UBN2: variants seen among roughly 807,000 people sequenced by gnomAD.
UBN2 encodes the protein ubinuclein 2.
In UBN2, 35 loss-of-function variants were observed where a neutral mutation model predicts 120.2. That is an observed-to-expected ratio of 0.29 (90% CI 0.22 to 0.39). The LOEUF is 0.39. Among genes scored for constraint, UBN2 ranks in the 10% least tolerant of loss-of-function variants. The pLI, the probability that UBN2 is intolerant of heterozygous loss-of-function variation, is 1.00. For missense variants in UBN2, 1,693 were observed against 1,663.2 expected, an observed-to-expected ratio of 1.02 and a Z score of -0.31; for synonymous variants, 661 against 648.7, an observed-to-expected ratio of 1.02 and a Z score of -0.29.
At chr7:139,316,580 C>T in the UBN2 span, among the ~76,000 whole-genome samples, 1 of 152,110 alleles carries the variant, frequency 6.6e-6, no homozygotes, top group African/African-American at 2.4e-5. Flanking sequence ...CCTGTCTCTA[C>T]TACAAATACA....
chr7:139,289,605 T>A (rs1208787627), intron 15 of UBN2, among the ~76,000 whole-genome samples: 2 of 151,912 alleles, frequency 1.3e-5, no homozygotes, highest in African/African-American at 2.4e-5. Flanking sequence ...AGAGACGGTG[T>A]TTCACCATGT....
chr7:139,330,382 T>C, the UBN2 span, among the ~76,000 whole-genome samples: 2 of 152,266 alleles, frequency 1.3e-5, no homozygotes, highest in African/African-American at 4.8e-5. Context: ...CCAGATCTTG[T>C]AGAACTGAAA....
At chr7:139,324,549 C>A in the UBN2 span, among the ~76,000 whole-genome samples, 1 of 109,246 alleles carries the variant, frequency 9.2e-6, no homozygotes. Flanking sequence ...GAGGGAGACT[C>A]CATCTCAAAA....
At chr7:139,280,834 C>T (rs781703308) in intron 13 of UBN2, among the ~76,000 whole-genome samples, 1 of 152,104 alleles carries the variant, frequency 6.6e-6, no homozygotes, top group Non-Finnish European at 1.5e-5. Flanking sequence ...TTAGCAGAGA[C>T]GGGGTTTCAC....
At chr7:139,325,774 C>T in the UBN2 span, among the ~76,000 whole-genome samples, 7 of 152,216 alleles carry the variant, frequency 4.6e-5, no homozygotes. Context: ...TCTGTCCCCA[C>T]AGTTTCGCTG....
At chr7:139,233,083 C>T (rs1796072123) in intron 1 of UBN2, among the ~76,000 whole-genome samples, 1 of 152,214 alleles carries the variant, frequency 6.6e-6, no homozygotes, top group African/African-American at 2.4e-5. Flanking sequence ...AAATGACTGA[C>T]TGCTTAGTCA....
rs191309620 is a variant in UBN2, at chr7:139,281,223, C to T, written c.2068-782C>T. Among the ~76,000 whole-genome samples, 1,170 of 152,020 alleles carry T rather than the reference C, an allele frequency of 7.7e-3. 7 individuals carry two copies. The highest frequency in any genetic ancestry group is 0.031 in the Middle Eastern group (9 of 292). ...GAGTCATCAGTTTTTTTGTATGTTT[C>T]CTTCTCTATGATTAAATTACTTTTT... On this transcript the variant is annotated intron_variant, in intron 13 of 17. Coordinates refer to ENST00000473989, the MANE Select transcript of UBN2 (RefSeq NM_173569.4).
At chr7:139,254,275 A>T (rs1796700301) in intron 3 of UBN2, among the ~76,000 whole-genome samples, 1 of 152,130 alleles carries the variant, frequency 6.6e-6, no homozygotes, top group Non-Finnish European at 1.5e-5. Flanking sequence ...CCTGGGCAAC[A>T]GAGTGAGACT....
At chr7:139,284,918 T>C (rs1797740194) in intron 15 of UBN2, among the ~76,000 whole-genome samples, 1 of 152,204 alleles carries the variant, frequency 6.6e-6, no homozygotes, top group Non-Finnish European at 1.5e-5. Context: ...ACTTTCTCTC[T>C]TATCAAAGTC....
At chr7:139,272,757 C>T (rs563680581) in intron 9 of UBN2, among the ~76,000 whole-genome samples, 2 of 152,234 alleles carry the variant, frequency 1.3e-5, no homozygotes, top group East Asian at 3.9e-4. Context: ...AAACTCCTGA[C>T]CTCAGGTGAT....
chr7:139,292,446 A>G (rs2131062704), intron 15 of UBN2, among the ~76,000 whole-genome samples: 1 of 152,230 alleles, frequency 6.6e-6, no homozygotes. Flanking sequence ...GAGTGTGAAA[A>G]CACTGTCCAA....
At chr7:139,309,658 G>C (rs1798422355), downstream of UBN2, among the ~76,000 whole-genome samples, 1 of 152,136 alleles carries the variant, frequency 6.6e-6, no homozygotes. Context: ...ATCACCTGAG[G>C]TCGGGAATTT....
In UBN2 at chr7:139,307,944, G is replaced by A. The variant is rs772125321; in HGVS notation, c.*10108G>A. The A allele has an allele frequency of 2.6e-5, 4 of 151,440 alleles. No homozygotes were observed. Among genetic ancestry groups the A allele is most frequent in the Admixed American group, 2.6e-4 (4 of 15,204 alleles). The allele number at this position is 151,440 out of a possible 1,614,324, so 9.4% of individuals were successfully genotyped here. A position where few individuals can be genotyped will look rare whatever the true frequency, so the allele number is the denominator to read the frequency against. Reference sequence around the variant, plus strand: ...TGATGAATTTTGGATATGTGAGAGGGCATAAACATTCCTAAATATGGACCT... The same window carrying A: ...TGATGAATTTTGGATATGTGAGAGGACATAAACATTCCTAAATATGGACCT... On this transcript the variant is annotated 3_prime_UTR_variant, in exon 18 of 18. Coordinates refer to ENST00000473989, the MANE Select transcript of UBN2 (RefSeq NM_173569.4).
At chr7:139,247,399 T>G (rs930080890) in intron 2 of UBN2, among the ~76,000 whole-genome samples, 6 of 152,170 alleles carry the variant, frequency 3.9e-5, no homozygotes, top group African/African-American at 1.2e-4. Flanking sequence ...AATTTCAGTT[T>G]TGCTTTATTA....
At chr7:139,316,308 T>C in the UBN2 span, among the ~76,000 whole-genome samples, 4 of 152,202 alleles carry the variant, frequency 2.6e-5, no homozygotes, top group African/African-American at 9.6e-5. Flanking sequence ...ATATTAAGTA[T>C]AAAAGTACTT....
At chr7:139,309,199 G>C (rs1247081735), downstream of UBN2, among the ~76,000 whole-genome samples, 1 of 152,232 alleles carries the variant, frequency 6.6e-6, no homozygotes, top group African/African-American at 2.4e-5. Flanking sequence ...TGCTGAAATG[G>C]GGTTGTAGGA....
chr7:139,311,306 G>A (rs945257563), downstream of UBN2, among the ~76,000 whole-genome samples: 2 of 152,302 alleles, frequency 1.3e-5, no homozygotes, highest in East Asian at 1.9e-4. Flanking sequence ...GTGCCTAGGC[G>A]TAGTTTGTTT....
chr7:139,258,606 A>G lies in UBN2; in HGVS notation c.782A>G (p.Gln261Arg). Residue 261 changes from glutamine to arginine, a missense_variant, in exon 4 of 18, where the codon CAA becomes CGA. Physicochemically the swap from Gln to Arg is conservative, Grantham distance 43. Coordinates refer to ENST00000473989, the MANE Select transcript of UBN2 (RefSeq NM_173569.4). ...GAAGAAGATGATATTACAGACAACC[A>G]AAAGCACAAGCCACCCAAGGTGAGT... ...DTEEDDITDN[Q>R]KHKPPKVPKI... The G allele has an allele frequency of 6.2e-7, 1 of 1,601,450 alleles. No individual in the cohort carries two copies. The highest frequency in any genetic ancestry group is 1.1e-5 in the South Asian group (1 of 89,002).
the UBN2 span, among the ~76,000 whole-genome samples, chr7:139,313,448 C>A: frequency 6.6e-6 from 1 of 152,112 alleles, no homozygotes; most frequent in Non-Finnish European, 1.5e-5. Context: ...TTATATCGAG[C>A]AATTTTGCTA....
Sources: allele counts gnomAD v4.1 joint callset (sites outside exome capture counted in the v4.1 genomes callset), GRCh38; gene constraint gnomAD v4.1.1; transcripts MANE v1.5; gene names NCBI Gene and HGNC (gene_info 2026-07-23, HGNC 2026-07-21).